PTGER3: variants seen among roughly 807,000 people sequenced by gnomAD.
PTGER3 encodes prostaglandin E receptor 3.
PTGER3 carries 22 observed loss-of-function variants against 34.7 expected under a neutral mutation model. That is an observed-to-expected ratio of 0.63 (90% CI 0.45 to 0.91). The LOEUF (loss-of-function observed/expected upper bound fraction) is 0.91, where lower values mean the gene tolerates loss of function less well. Ranked by LOEUF, PTGER3 falls within the 40% of genes least tolerant of loss-of-function variation. The pLI is 0.00. For synonymous variants in PTGER3, 241 were observed against 230.1 expected (o/e 1.05, Z -0.43); for missense variants, 468 against 519.4 (o/e 0.90, Z 0.96).
At chr1:71,008,253 T>C (rs1210951069) in intron 2 of PTGER3, 35 of 923,982 alleles carry the variant, frequency 3.8e-5, no homozygotes, top group Non-Finnish European at 4.1e-5. Context: ...ATACAAAGCT[T>C]CTGAAAATAA....
intron 4 of PTGER3, among the ~76,000 whole-genome samples, chr1:70,919,867 A>G (rs548350829): frequency 6.6e-6 from 1 of 152,142 alleles, no homozygotes; most frequent in Non-Finnish European, 1.5e-5. Context: ...AAAAATAATT[A>G]CAGAGAATTG....
At chr1:71,020,293 C>T (rs977948340) in intron 1 of PTGER3, among the ~76,000 whole-genome samples, 29 of 152,170 alleles carry the variant, frequency 1.9e-4, no homozygotes, top group African/African-American at 5.8e-4. Context: ...TGTGCCATTT[C>T]GTCATTACTA....
chr1:70,881,191 TG>T (rs1646383455), intron 4 of PTGER3, among the ~76,000 whole-genome samples: 1 of 152,236 alleles, frequency 6.6e-6, no homozygotes, highest in East Asian at 1.9e-4. Context: ...TTCCTCAGCT[TG>T]GTTGATGGAG....
intron 4 of PTGER3, among the ~76,000 whole-genome samples, chr1:70,903,999 G>A (rs1256382398): frequency 6.6e-6 from 1 of 152,176 alleles, no homozygotes; most frequent in Non-Finnish European, 1.5e-5. Flanking sequence ...ATGTGTTGTG[G>A]AAAGAACCCA....
At chr1:70,983,738 G>C (rs1451673962) in intron 2 of PTGER3, among the ~76,000 whole-genome samples, 1 of 149,180 alleles carries the variant, frequency 6.7e-6, no homozygotes, top group East Asian at 2.0e-4. Flanking sequence ...GGTAAAATAA[G>C]CAAAAGGAAG....
Position 71,047,091 on chromosome 1 carries a change from G to GCGGCGCCCTGATGGC in PTGER3, c.472_486dup (p.Ala158_Pro162dup). The GCGGCGCCCTGATGGC allele has an allele frequency of 6.2e-7, 1 of 1,608,880 alleles. No individual in the cohort carries two copies. The highest frequency in any genetic ancestry group is 8.5e-7 in the Non-Finnish European group (1 of 1,178,138). On this transcript the variant is annotated inframe_insertion, in exon 1 of 4. Transcript: ENST00000306666. ...GTCTTCATGTGGCTCGCATACCAGTGCGGCGCCCTGATGGCCAGCGCCCGC... is the reference window on the plus strand; with the variant it reads ...GTCTTCATGTGGCTCGCATACCAGTGCGGCGCCCTGATGGCCGGCGCCCTGATGGCCAGCGCCCGC...
chr1:71,040,092 G>A (rs531875690), intron 1 of PTGER3, among the ~76,000 whole-genome samples: 2 of 137,188 alleles, frequency 1.5e-5, no homozygotes, highest in South Asian at 4.7e-4. Context: ...AAGAAAGAAA[G>A]AAAGAAGGAA....
chr1:70,982,447 C>T (rs1312333471), intron 2 of PTGER3, among the ~76,000 whole-genome samples: 1 of 152,090 alleles, frequency 6.6e-6, no homozygotes, highest in African/African-American at 2.4e-5. Context: ...TCCTGCTCAT[C>T]CAGCATCTAG....
chr1:71,041,626 G>C (rs1660320626), intron 1 of PTGER3, among the ~76,000 whole-genome samples: 1 of 152,228 alleles, frequency 6.6e-6, no homozygotes, highest in African/African-American at 2.4e-5. Context: ...AGGAGGACTA[G>C]AGAGATTGTC....
At chr1:71,040,359 T>C (rs1342192755) in intron 1 of PTGER3, among the ~76,000 whole-genome samples, 1 of 152,082 alleles carries the variant, frequency 6.6e-6, no homozygotes. Flanking sequence ...CACAGCACTT[T>C]GGGAGGCAGA....
chr1:70,895,767 T>C (rs1646711121), intron 4 of PTGER3, among the ~76,000 whole-genome samples: 1 of 152,192 alleles, frequency 6.6e-6, no homozygotes, highest in African/African-American at 2.4e-5. Flanking sequence ...CAGCATAAGC[T>C]CTTGTTTTGA....
chr1:70,970,745 G>A (rs527994825), downstream of PTGER3: 34 of 468,834 alleles, frequency 7.3e-5, no homozygotes, highest in Admixed American at 7.7e-4. Context: ...GCAGGTAACG[G>A]CATATCCGTT....
chr1:71,026,882 A>C (rs918173545), intron 1 of PTGER3, among the ~76,000 whole-genome samples: 2 of 152,138 alleles, frequency 1.3e-5, no homozygotes, highest in African/African-American at 4.8e-5. Context: ...AATAAGAACA[A>C]GAAGGAAGCA....
chr1:70,999,707 C>T (rs1013697075), intron 2 of PTGER3, among the ~76,000 whole-genome samples: 8 of 151,994 alleles, frequency 5.3e-5, no homozygotes, highest in Non-Finnish European at 7.4e-5. Context: ...ATTACAAGTC[C>T]GAGAGGACGG....
intron 4 of PTGER3, among the ~76,000 whole-genome samples, chr1:70,945,252 AG>A (rs1650119271): frequency 6.6e-6 from 1 of 152,150 alleles, no homozygotes; most frequent in Non-Finnish European, 1.5e-5. Context: ...GTGAGACAAA[AG>A]CTGATCCAAG....
intron 4 of PTGER3, among the ~76,000 whole-genome samples, chr1:70,928,195 T>TTA (rs1202454972): frequency 6.8e-6 from 1 of 147,956 alleles, no homozygotes; most frequent in South Asian, 2.1e-4. Flanking sequence ...AGACATATAT[T>TTA]TATATATATG....
downstream of PTGER3, among the ~76,000 whole-genome samples, chr1:70,965,869 T>C (rs188408544): frequency 4.6e-5 from 7 of 152,310 alleles, no homozygotes; most frequent in Admixed American, 4.6e-4. Flanking sequence ...AGTTCTCAGG[T>C]TTTTGATATG....
At chr1:70,951,232 G>T (rs955144189), downstream of PTGER3, 9 of 151,996 alleles carry the variant, frequency 5.9e-5, no homozygotes, top group Non-Finnish European at 1.2e-4. Flanking sequence ...AATAATAAAA[G>T]AAAATAACAA....
At chr1:70,881,570 G>C (rs747129941) in intron 4 of PTGER3, among the ~76,000 whole-genome samples, 24 of 152,196 alleles carry the variant, frequency 1.6e-4, no homozygotes, top group Non-Finnish European at 2.9e-4. Flanking sequence ...TTCAGCCTTT[G>C]AAGTTGCAGT....
Sources: gnomAD v4.1 joint callset for allele counts (sites outside exome capture counted in the v4.1 genomes callset) on GRCh38, gnomAD v4.1.1 for gene constraint, MANE v1.5 for transcripts, NCBI Gene and HGNC (gene_info 2026-07-23, HGNC 2026-07-21) for gene names.